Variants in LCK observed in about 807,000 individuals in gnomAD.
The protein encoded by LCK is tyrosine-protein kinase Lck.
In LCK, 14 loss-of-function variants were observed where a neutral mutation model predicts 64.6. The ratio of observed to expected loss-of-function variants is 0.22; its 90% CI spans 0.14 to 0.34. LCK has a LOEUF of 0.34. Ranked by LOEUF, LCK falls within the 10% of genes least tolerant of loss-of-function variation. The pLI, the probability that LCK is intolerant of heterozygous loss-of-function variation, is 1.00. For synonymous variants in LCK, 277 were observed against 263.6 expected, an observed-to-expected ratio of 1.05 and a Z score of -0.49; for missense variants, 434 against 668.1, an observed-to-expected ratio of 0.65 and a Z score of 3.86.
intron 1 of LCK, among the ~76,000 whole-genome samples, chr1:32,273,120 G>A (rs1033564313): frequency 1.8e-4 from 25 of 135,644 alleles, no homozygotes; most frequent in African/African-American, 4.4e-4. Context: ...GTGTGGGTAC[G>A]TGTGTGAGAG....
chr1:32,267,549 TC>T (rs1639956567), intron 1 of LCK, among the ~76,000 whole-genome samples: 1 of 151,404 alleles, frequency 6.6e-6, no homozygotes. Flanking sequence ...TCACCTGAAG[TC>T]AGGAGTTCAA....
Position 32,274,785 on chromosome 1 carries a change from G to T in LCK, c.154G>T (p.Glu52Ter). The change falls in exon 3 of 13, where the codon GAA becomes TAA. Residue 52 changes from glutamate (E) to a stop codon, truncating the protein, a stop_gained. Transcript: ENST00000336890. LOFTEE classifies it high-confidence loss of function. ...GGTGCGGGACCCACTGGTTACCTAC[G>T]AAGGCTCCAATCCGCCGGCTTCCCC... ...SEVRDPLVTY[E>*]GSNPPASPLQ... is the part of the protein sequence containing the mutation. The T allele has an allele frequency of 6.2e-7, 1 of 1,612,964 alleles. No homozygotes were observed. Among genetic ancestry groups the T allele is most frequent in the Non-Finnish European group, 8.5e-7 (1 of 1,179,392 alleles).
chr1:32,270,487 C>A (rs530803249), intron 1 of LCK, among the ~76,000 whole-genome samples: 1 of 150,178 alleles, frequency 6.7e-6, no homozygotes, highest in African/African-American at 2.4e-5. Context: ...CTCTGCCTCC[C>A]GGGTTCAAGT....
At chr1:32,269,136 G>A (rs1640010292) in intron 1 of LCK, among the ~76,000 whole-genome samples, 1 of 147,552 alleles carries the variant, frequency 6.8e-6, no homozygotes, top group Admixed American at 6.8e-5. Flanking sequence ...AGGAAAGAGA[G>A]AAAAGAAACA....
rs1237953750 is a variant in LCK, at chr1:32,272,779, G to T, written c.-5-1546G>T. 4.7e-5 allele frequency among the ~76,000 whole-genome samples: 7 copies of T among 149,790 alleles called. No individual in the cohort carries two copies. The East Asian group carries it at 6.0e-4, about 13-fold the overall frequency. Reference sequence around the variant, plus strand: ...CAGGCTGTGTGTGTGGGGGTGTGTGGGGGTGCCTGTGTGTGGGTGTTTGTG... The same window carrying T: ...CAGGCTGTGTGTGTGGGGGTGTGTGTGGGTGCCTGTGTGTGGGTGTTTGTG... On this transcript the variant is annotated intron_variant, in intron 1 of 12. Coordinates refer to ENST00000336890, the MANE Select transcript of LCK (RefSeq NM_005356.5).
At chr1:32,266,658 T>TCC (rs1639921052) in intron 1 of LCK, among the ~76,000 whole-genome samples, 4 of 17,616 alleles carry the variant, frequency 2.3e-4, no homozygotes, top group African/African-American at 9.1e-4. Flanking sequence ...CTCCTCCCCC[T>TCC]CCTCATCCCT....
chr1:32,258,649 A>G (rs922187768), intron 1 of LCK, among the ~76,000 whole-genome samples: 1 of 125,026 alleles, frequency 8.0e-6, no homozygotes, highest in Non-Finnish European at 1.6e-5. Context: ...CTAAAAATAC[A>G]AAAAATTAGC....
chr1:32,253,085 G>A (rs1255132607), intron 1 of LCK, among the ~76,000 whole-genome samples: 1 of 152,158 alleles, frequency 6.6e-6, no homozygotes, highest in African/African-American at 2.4e-5. Flanking sequence ...CAATAATCAA[G>A]CTGGGCACGG....
chr1:32,276,722 G>C lies in LCK; in HGVS notation c.900G>C (p.Leu300=). ...NLMKQLQHQR[L]VRLYAVVTQE... is the part of the protein sequence containing the mutation. ...TGAAGCAGCTGCAACACCAGCGGCT[G>C]GTTCGGCTCTACGCTGTGGTCACCC... The change falls in exon 9 of 13, where the codon CTG becomes CTC. Residue 300 remains leucine, a synonymous_variant. Coordinates refer to ENST00000336890, the MANE Select transcript of LCK (RefSeq NM_005356.5). The surrounding 1 kb of genome is among the most constrained non-coding windows in gnomAD (Gnocchi z 4.6). 1 of 1,614,052 alleles carries C rather than the reference G, an allele frequency of 6.2e-7. No individual in the cohort carries two copies.
Position 32,274,761 on chromosome 1 carries a change from G to T in LCK, c.130G>T (p.Val44Leu). 6.2e-7 allele frequency: 1 copy of T among 1,605,786 alleles called. No individual in the cohort carries two copies. Among genetic ancestry groups the T allele is most frequent in the Non-Finnish European group, 8.5e-7 (1 of 1,175,220 alleles). ...GTLLIRNGSE[V>L]RDPLVTYEGS... is the part of the protein sequence containing the mutation. ...GCTGCTCATCCGAAATGGCTCTGAG[G>T]TGCGGGACCCACTGGTTACCTACGA... Residue 44 changes from valine to leucine, a missense_variant, in exon 3 of 13, where the codon GTG (valine) becomes TTG (leucine). Physicochemically the swap from Val to Leu is conservative, Grantham distance 32. This residue lies in a region of LCK where 233 missense variants were observed against 291.2 expected (regional missense o/e 0.80). Coordinates refer to ENST00000336890, the MANE Select transcript of LCK (RefSeq NM_005356.5).
At chr1:32,264,092 T>A (rs1639852965) in intron 1 of LCK, among the ~76,000 whole-genome samples, 2 of 152,082 alleles carry the variant, frequency 1.3e-5, no homozygotes. Context: ...TATGCACCCA[T>A]AAGCACAGGG....
chr1:32,266,578 G>A (rs1016475735), intron 1 of LCK, among the ~76,000 whole-genome samples: 4 of 145,122 alleles, frequency 2.8e-5, no homozygotes, highest in East Asian at 2.0e-4. Context: ...GAGCTACTAC[G>A]CCCTTTCTTC....
chr1:32,254,575 C>T (rs776327290), intron 1 of LCK, among the ~76,000 whole-genome samples: 4 of 152,066 alleles, frequency 2.6e-5, no homozygotes, highest in Non-Finnish European at 5.9e-5. Flanking sequence ...TGCAGTGGTG[C>T]GAGCTTGGCT....
chr1:32,276,380 G>T lies in LCK; in HGVS notation c.675G>T (p.Gln225His). The T allele has an allele frequency of 6.2e-7, 1 of 1,611,628 alleles. No individual in the cohort carries two copies. Residue 225 changes from glutamine (Q) to histidine (H), a missense_variant, in exon 8 of 13, where the codon CAG becomes CAT. Physicochemically the swap from Gln to His is conservative, Grantham distance 24. Around this residue, in one of 2 missense-constraint regions of LCK, gnomAD observed 201 missense variants for 376.9 expected, o/e 0.53. Coordinates refer to ENST00000336890, the MANE Select transcript of LCK (RefSeq NM_005356.5). The surrounding 1 kb of genome is among the most constrained non-coding windows in gnomAD (Gnocchi z 4.6). ...GLCTRLSRPC[Q>H]TQKPQKPWWE... ...GCACACGGTTGAGCCGCCCCTGCCA[G>T]ACCCAGAAGCCCCAGAAGCCGTGGT...
intron 1 of LCK, among the ~76,000 whole-genome samples, chr1:32,252,020 G>A (rs1229062490): frequency 6.6e-6 from 1 of 152,128 alleles, no homozygotes; most frequent in Non-Finnish European, 1.5e-5. Flanking sequence ...CCTGATGGGC[G>A]TGAACTGATA....
At chr1:32,253,447 C>G (rs34195184) in intron 1 of LCK, among the ~76,000 whole-genome samples, 1 of 152,110 alleles carries the variant, frequency 6.6e-6, no homozygotes, top group Non-Finnish European at 1.5e-5. Flanking sequence ...CCATGCCCAG[C>G]TAATTTTTGC....
Position 32,254,466 on chromosome 1 carries a change from G to A in LCK, c.-6+3095G>A, listed in dbSNP as rs1001149025. The stretch of plus-strand genomic sequence containing the variant: ...CTCCCCAGTAACTGGGATTACAGGC[G>A]TGTGCCACCATGTCTGGCTAAGTTT... On this transcript the variant is annotated intron_variant, in intron 1 of 12. Coordinates refer to ENST00000336890, the MANE Select transcript of LCK (RefSeq NM_005356.5). 2.7e-4 allele frequency among the ~76,000 whole-genome samples: 41 copies of A among 152,040 alleles called. 1 individual carries two copies. Among genetic ancestry groups the A allele is most frequent in the Admixed American group, 2.6e-3 (40 of 15,256 alleles).
intron 1 of LCK, among the ~76,000 whole-genome samples, chr1:32,260,084 G>A (rs996529011): frequency 3.3e-5 from 5 of 150,652 alleles, no homozygotes; most frequent in South Asian, 2.1e-4. Context: ...TTGCTCTGTC[G>A]CCACGCTGGA....
chr1:32,264,611 G>C (rs1383565542), intron 1 of LCK, among the ~76,000 whole-genome samples: 44 of 152,042 alleles, frequency 2.9e-4, no homozygotes, highest in Admixed American at 2.9e-3. Flanking sequence ...CTGATGAACT[G>C]TATTTGTGTT....
Sources: gnomAD v4.1 joint callset for allele counts (sites outside exome capture counted in the v4.1 genomes callset) on GRCh38, gnomAD v4.1.1 for gene constraint, gnomAD v4.1.1 regional missense constraint, Gnocchi (gnomAD v3.1) non-coding constraint, MANE v1.5 for transcripts, NCBI Gene and HGNC (gene_info 2026-07-23, HGNC 2026-07-21) for gene names.